GTF3C3: variants seen among roughly 807,000 people sequenced by gnomAD.
GTF3C3 encodes general transcription factor 3C polypeptide 3.
Under a neutral mutation model 105.2 loss-of-function variants are expected in GTF3C3, and 75 were observed. The observed-to-expected ratio is 0.71, with a 90% CI of 0.59 to 0.86. The LOEUF is 0.86. Ranked by LOEUF, GTF3C3 falls within the 40% of genes least tolerant of loss-of-function variation. The pLI is 0.00. For synonymous variants in GTF3C3, 335 were observed against 370.4 expected (o/e 0.90, Z 1.10); for missense variants, 856 against 1,076.5 (o/e 0.80, Z 2.87).
rs1699142977 is a variant in GTF3C3 at position 196,769,942 on chromosome 2, C to T, written c.2358G>A (p.Val786=). 3 of 1,607,348 alleles carry T rather than the reference C, an allele frequency of 1.9e-6. No homozygotes were observed. The highest frequency in any genetic ancestry group is 2.7e-5 in the African/African-American group (2 of 74,382). Residue 786 remains valine, a synonymous_variant, in exon 16 of 18, where the codon GTG becomes GTA. Transcript: ENST00000263956. ...GTACAATAAGAGCATGTCTCCGTAA[C>T]ACATACTTCTGAGATGCCATATGAA... ...TFIHMASQKY[V]LRRHALIVQG...
chr2:196,791,245 T>C, intron 4 of GTF3C3, 92 bp downstream of exon 4: 1 of 1,224,008 alleles, frequency 8.2e-7, no homozygotes, highest in Non-Finnish European at 1.2e-6. Context: ...CTTCTGAACA[T>C]ATTTTCCAAA....
chr2:196,775,044 T>C, intron 13 of GTF3C3, 72 bp downstream of exon 13: 1 of 1,059,124 alleles, frequency 9.4e-7, no homozygotes, highest in Non-Finnish European at 1.4e-6. Context: ...TAGATTGCTG[T>C]CCAGTGTTAC....
intron 3 of GTF3C3, chr2:196,791,681 A>G (rs2125750628): frequency 2.5e-6 from 1 of 404,048 alleles, no homozygotes; most frequent in African/African-American, 2.0e-5. Flanking sequence ...CATTCTTGTA[A>G]TCCCAGCACT....
At position 196,776,561 on chromosome 2, in the gene GTF3C3, G is replaced by C. The variant is rs1489910633; in HGVS notation, c.1459C>G (p.Pro487Ala). Residue 487 changes from proline (P) to alanine (A), a missense_variant, in exon 11 of 18, where the codon CCA (proline) becomes GCA (alanine). Pro to Ala is a conservative substitution (Grantham distance 27). Coordinates refer to ENST00000263956, the MANE Select transcript of GTF3C3 (RefSeq NM_012086.5). The surrounding 1 kb of genome is among the most constrained non-coding windows in gnomAD (Gnocchi z 4.5). ...ESYGKVVDLA[P>A]LHLDARISLS... ...GAAATCCTTGCATCCAAATGGAGTGGGGCCAGATCAACCACCTTGCCATAG... is the reference window on the plus strand; with the variant it reads ...GAAATCCTTGCATCCAAATGGAGTGCGGCCAGATCAACCACCTTGCCATAG... 3.1e-6 allele frequency: 5 copies of C among 1,614,078 alleles called. No homozygotes were observed. The highest frequency in any genetic ancestry group is 3.4e-6 in the Non-Finnish European group (4 of 1,179,978).
intron 16 of GTF3C3, among the ~76,000 whole-genome samples, chr2:196,768,994 C>G (rs951024406): frequency 2.0e-5 from 3 of 151,996 alleles, no homozygotes; most frequent in Admixed American, 6.6e-5. Context: ...TCCTACATTA[C>G]TTAGTACAGC....
In GTF3C3 at chr2:196,786,962, G is replaced by A. The variant is rs1468574496; in HGVS notation, c.894-1374C>T. 1.3e-5 allele frequency among the ~76,000 whole-genome samples: 2 copies of A among 151,966 alleles called. No homozygotes were observed. The highest frequency in any genetic ancestry group is 2.9e-5 in the Non-Finnish European group (2 of 68,004). On this transcript the variant is annotated intron_variant, in intron 6 of 17. Transcript: ENST00000263956. This position sits in a 1 kb window ranked among gnomAD's most constrained non-coding sequence, Gnocchi z 4.2. ...AAGTTCTTTCTTCAATTAAATTCTA[G>A]AACATCATGCTGTTCTCAGTTTCCT...
chr2:196,776,364 G>A lies in GTF3C3; in HGVS notation c.1593+63C>T, dbSNP rs1366132036. On this transcript the variant is annotated intron_variant, in intron 11 of 17. Transcript: ENST00000263956. The surrounding 1 kb of genome is among the most constrained non-coding windows in gnomAD (Gnocchi z 4.5). ...TATAAGCTATAGAGACATCCTTAAT[G>A]GAGGAGAAAGTTCTAAAATATAATA... 29 of 1,333,444 alleles carry A rather than the reference G, an allele frequency of 2.2e-5. No homozygotes were observed. In the Admixed American group the frequency reaches 5.2e-4, roughly 24 times the overall value. The allele number at this position is 1,333,444 out of a possible 1,614,324, so 82.6% of individuals were successfully genotyped here. A position where few individuals can be genotyped will look rare whatever the true frequency, so the allele number is the denominator to read the frequency against.
chr2:196,764,621 T>TGATA lies in GTF3C3; in HGVS notation c.2599_2602dup (p.Gln868LeufsTer26). The TGATA allele has an allele frequency of 6.2e-7, 1 of 1,613,238 alleles. No homozygotes were observed. Among genetic ancestry groups the TGATA allele is most frequent in the Non-Finnish European group, 8.5e-7 (1 of 1,179,214 alleles). On this transcript the variant is annotated frameshift_variant, in exon 18 of 18. Coordinates refer to ENST00000263956, the MANE Select transcript of GTF3C3 (RefSeq NM_012086.5). LOFTEE classifies it high-confidence loss of function. ...AGCCATTCCGGTATTCCCACTGCTC[T>TGATA]GATAGATGAGAGACAAGTTGTAGGC...
Position 196,797,801 on chromosome 2 carries a change from A to C in GTF3C3, c.210T>G (p.Asn70Lys), listed in dbSNP as rs933455796. ...AAGCACATAATTTTAACATACCTTC[A>C]TTGACATCTTTGTCTTGGGATTTGG... Reference protein sequence around the residue: ...NSTKSQDKDVNEGETSDGVRK... With the variant: ...NSTKSQDKDVKEGETSDGVRK... The change falls in exon 2 of 18, where the codon AAT becomes AAG. Residue 70 changes from asparagine (N) to lysine (K), a missense_variant. By Grantham distance (94) the Asn-to-Lys change is moderately conservative (BLOSUM62 0). This residue lies in a region of GTF3C3 where 117 missense variants were observed against 114.0 expected (regional missense o/e 1.03). Coordinates refer to ENST00000263956, the MANE Select transcript of GTF3C3 (RefSeq NM_012086.5). The C allele has an allele frequency of 2.5e-5, 38 of 1,533,368 alleles. No individual in the cohort carries two copies. Among genetic ancestry groups the C allele is most frequent in the Non-Finnish European group, 3.3e-5 (36 of 1,106,714 alleles). 95.0% of individuals were successfully genotyped at this position (1,533,368 alleles called of 1,614,324 possible).
At chr2:196,770,066 G>A (rs1699145228) in intron 15 of GTF3C3, 27 bp from the exon 16 acceptor site, 3 of 1,476,798 alleles carry the variant, frequency 2.0e-6, no homozygotes, top group Non-Finnish European at 1.8e-6. Context: ...GGTGTCAGAC[G>A]GTGTGACAAG....
chr2:196,781,357 A>ATTTAT (rs1553578902), intron 8 of GTF3C3, among the ~76,000 whole-genome samples: 2 of 18,812 alleles, frequency 1.1e-4, no homozygotes, highest in Non-Finnish European at 3.0e-4. Context: ...AAAAAAAAAA[A>ATTTAT]ATATATATAT....
chr2:196,764,657 C>A lies in GTF3C3; in HGVS notation c.2567G>T (p.Arg856Leu). The change falls in exon 18 of 18, where the codon CGA becomes CTA. Residue 856 changes from arginine to leucine, a missense_variant. Arg to Leu is a moderately radical substitution (Grantham distance 102). Transcript: ENST00000263956. ...AGACAAGTTGTAGGCAATATCTCTTCGTAAGTCTAACTGGTCAAGTTCTAT... is the reference window on the plus strand; with the variant it reads ...AGACAAGTTGTAGGCAATATCTCTTAGTAAGTCTAACTGGTCAAGTTCTAT... ...EGIELDQLDL[R>L]RDIAYNLSLI... 2 of 1,611,770 alleles carry A rather than the reference C, an allele frequency of 1.2e-6. No individual in the cohort carries two copies. Among genetic ancestry groups the A allele is most frequent in the Non-Finnish European group, 1.7e-6 (2 of 1,177,996 alleles).
intron 2 of GTF3C3, among the ~76,000 whole-genome samples, chr2:196,795,656 G>A (rs1699629676): frequency 6.6e-6 from 1 of 152,164 alleles, no homozygotes; most frequent in Admixed American, 6.5e-5. Context: ...ATGAAAGGGA[G>A]TATCTTTTAT....
chr2:196,794,867 T>A (rs1254050523), intron 2 of GTF3C3, among the ~76,000 whole-genome samples: 1 of 151,778 alleles, frequency 6.6e-6, no homozygotes, highest in Admixed American at 6.6e-5. Context: ...TAGCTGGGAT[T>A]ACAGGCATGA....
In GTF3C3 at chr2:196,799,384, T is replaced by G. The variant is rs1576042467; in HGVS notation, c.102+126A>C. The G allele has an allele frequency of 5.8e-6, 4 of 694,538 alleles. No homozygotes were observed. In the East Asian group the frequency reaches 7.6e-5, roughly 13 times the overall value. 43.0% of individuals were successfully genotyped at this position (694,538 alleles called of 1,614,324 possible). On this transcript the variant is annotated intron_variant, in intron 1 of 17. Coordinates refer to ENST00000263956, the MANE Select transcript of GTF3C3 (RefSeq NM_012086.5). The stretch of plus-strand genomic sequence containing the variant: ...GGTGAAAACCGGAGTTTCTGTAAGA[T>G]AAGGAAGAAGCTGCTGAAAGTTCCC...
intron 8 of GTF3C3, among the ~76,000 whole-genome samples, chr2:196,782,701 G>A (rs912832160): frequency 6.6e-6 from 1 of 152,114 alleles, no homozygotes; most frequent in South Asian, 2.1e-4. Context: ...AAAAGGTAAG[G>A]AGGTCACTTC....
intron 8 of GTF3C3, among the ~76,000 whole-genome samples, chr2:196,781,178 T>C (rs1476249777): frequency 1.3e-5 from 2 of 151,066 alleles, no homozygotes; most frequent in Non-Finnish European, 3.0e-5. Flanking sequence ...ACCTGAAGTA[T>C]AGAGGACATC....
At chr2:196,799,463 A>G (rs1012383310) in intron 1 of GTF3C3, 47 bp downstream of exon 1, 1 of 1,399,762 alleles carries the variant, frequency 7.1e-7, no homozygotes, top group Non-Finnish European at 1.0e-6. Context: ...ACCTAAGGGT[A>G]TGAAGGCAAC....
chr2:196,770,000 G>A lies in GTF3C3; in HGVS notation c.2300C>T (p.Pro767Leu). 1 of 1,578,942 alleles carries A rather than the reference G, an allele frequency of 6.3e-7. No homozygotes were observed. The highest frequency in any genetic ancestry group is 8.6e-7 in the Non-Finnish European group (1 of 1,167,702). ...VQAFRTHPDE[P>L]LYSFCIGLTF... The stretch of plus-strand genomic sequence containing the variant: ...TAGGCCTATACAGAAGCTATAGAGA[G>A]GTTCGTCAGGGTGAGTGCGAAAGGC... Residue 767 changes from proline (P) to leucine (L), a missense_variant, in exon 16 of 18, where the codon CCT becomes CTT. By Grantham distance (98) the Pro-to-Leu change is moderately conservative (BLOSUM62 -3). This residue lies in a region of GTF3C3 where 605 missense variants were observed against 833.6 expected (regional missense o/e 0.73). Transcript: ENST00000263956.
Sources: allele counts gnomAD v4.1 joint callset (sites outside exome capture counted in the v4.1 genomes callset), GRCh38; gene constraint gnomAD v4.1.1; regional missense constraint gnomAD v4.1.1; non-coding constraint Gnocchi (gnomAD v3.1); transcripts MANE v1.5; gene names NCBI Gene and HGNC (gene_info 2026-07-23, HGNC 2026-07-21).